The following QRICH1 variants were observed in gnomAD, a reference collection of about 807,000 sequenced individuals.
QRICH1 encodes the protein glutamine rich 1.
A neutral mutation model predicts 87.1 loss-of-function variants in QRICH1; 16 were observed. The ratio of observed to expected loss-of-function variants is 0.18; its 90% CI spans 0.12 to 0.28. QRICH1 has a LOEUF of 0.28. QRICH1 is among the 10% of genes least tolerant of loss of function. The pLI is 1.00. For missense variants in QRICH1, 647 were observed against 951.7 expected (o/e 0.68, Z 4.21); for synonymous variants, 367 against 368.4 (o/e 1.00, Z 0.05).
intron 8 of QRICH1, 39 bp from the exon 9 acceptor site, chr3:49,032,312 C>G: frequency 6.6e-7 from 1 of 1,512,524 alleles, no homozygotes; most frequent in Non-Finnish European, 9.2e-7. Context: ...GACCTGGCAT[C>G]AGACTGCCTT....
At chr3:49,046,605 T>A (rs1285164860) in intron 4 of QRICH1, 26 bp from the exon 5 acceptor site, 27 of 1,610,538 alleles carry the variant, frequency 1.7e-5, no homozygotes, top group Non-Finnish European at 2.2e-5. Flanking sequence ...CAAAAATGAA[T>A]GAAGGTCCTG....
Position 49,056,906 on chromosome 3 carries a change from G to C in QRICH1, c.1294C>G (p.Pro432Ala), listed in dbSNP as rs141608827. 2 of 1,613,956 alleles carry C rather than the reference G, an allele frequency of 1.2e-6. No homozygotes were observed. The highest frequency in any genetic ancestry group is 1.7e-6 in the Non-Finnish European group (2 of 1,179,966). ...TGCTGCTGCTGCTGCTGTGGTGGTG[G>C]TGTCTGTTCCTGGGGAGTTTGCTGC... ...PQQQTPQEQT[P>A]PPQQQQQQLQ... Residue 432 changes from proline (P) to alanine (A), a missense_variant, in exon 3 of 10, where the codon CCA (proline) becomes GCA (alanine). Physicochemically the swap from Pro to Ala is conservative, Grantham distance 27. Around this residue, in one of 7 missense-constraint regions of QRICH1, gnomAD observed 115 missense variants for 126.8 expected, o/e 0.91. Transcript: ENST00000395443.
chr3:49,073,033 G>A (rs2041874101), intron 2 of QRICH1, among the ~76,000 whole-genome samples: 1 of 150,858 alleles, frequency 6.6e-6, no homozygotes, highest in African/African-American at 2.4e-5. Flanking sequence ...GTGAAATCCT[G>A]TCTCTTAAAA....
intron 1 of QRICH1, among the ~76,000 whole-genome samples, chr3:49,082,683 C>A (rs1482095782): frequency 6.6e-6 from 1 of 151,136 alleles, no homozygotes; most frequent in African/African-American, 2.4e-5. Flanking sequence ...ATCACGAGGT[C>A]GGGAGATCGA....
At chr3:49,087,984 CTCTG>C (rs1013958844) in intron 1 of QRICH1, among the ~76,000 whole-genome samples, 4 of 149,380 alleles carry the variant, frequency 2.7e-5, no homozygotes, top group South Asian at 4.2e-4. Context: ...CAGAGTCTCA[CTCTG>C]TCACCCAGGC....
At chr3:49,034,583 A>T (rs1258964778) in intron 6 of QRICH1, among the ~76,000 whole-genome samples, 2 of 152,304 alleles carry the variant, frequency 1.3e-5, no homozygotes, top group Middle Eastern at 3.4e-3. Context: ...AGCAGTTAGA[A>T]ATACAGGCGT....
intron 2 of QRICH1, among the ~76,000 whole-genome samples, chr3:49,061,855 A>T (rs1294937995): frequency 6.6e-6 from 1 of 152,204 alleles, no homozygotes; most frequent in Non-Finnish European, 1.5e-5. Flanking sequence ...ATCTCCCAAA[A>T]AAAAGAATAT....
chr3:49,072,091 G>A (rs1012363149), intron 2 of QRICH1, among the ~76,000 whole-genome samples: 4 of 152,116 alleles, frequency 2.6e-5, no homozygotes, highest in African/African-American at 9.7e-5. Context: ...AGCACTTTGG[G>A]AGGCCGAGGT....
At chr3:49,064,568 A>T (rs6446247) in intron 2 of QRICH1, among the ~76,000 whole-genome samples, 124,420 of 152,000 alleles carry the variant, frequency 0.82, 51,283 homozygotes, top group East Asian at 1. Context: ...CTAGGAATTT[A>T]AAAAATTGTA....
intron 1 of QRICH1, chr3:49,083,280 G>C (rs1346845385): frequency 6.6e-6 from 1 of 150,664 alleles, no homozygotes; most frequent in Non-Finnish European, 1.5e-5. Context: ...TCAAGAGACT[G>C]AAACAGGAGG....
At position 49,057,285 on chromosome 3, in the gene QRICH1, T is replaced by A. The variant is rs2093408119; in HGVS notation, c.915A>T (p.Thr305=). 1.2e-6 allele frequency: 2 copies of A among 1,614,220 alleles called. No homozygotes were observed. The highest frequency in any genetic ancestry group is 1.7e-6 in the Non-Finnish European group (2 of 1,180,042). The part of the protein sequence containing the change: ...YSATGTITSP[T]GETWTIPVYS... ...AAACAGGGATGGTCCAGGTTTCTCC[T>A]GTAGGGCTAGTAATGGTCCCAGTGG... Residue 305 remains threonine, a synonymous_variant, in exon 3 of 10, where the codon ACA becomes ACT. Transcript: ENST00000395443. The surrounding 1 kb of genome is among the most constrained non-coding windows in gnomAD (Gnocchi z 5.4).
chr3:49,031,574 A>T (rs529847701), intron 9 of QRICH1, among the ~76,000 whole-genome samples: 5 of 152,324 alleles, frequency 3.3e-5, no homozygotes, highest in African/African-American at 1.2e-4. Flanking sequence ...AATACAAAAT[A>T]AAAAACAGTG....
Position 49,036,110 on chromosome 3 carries a change from A to C in QRICH1, c.1787-2882T>G, listed in dbSNP as rs557467768. On this transcript the variant is annotated intron_variant, in intron 6 of 9. Transcript: ENST00000395443. ...CAAAATAAAAAAATAAATCAAAATA[A>C]AATAAAACAGACTCTATTGACTGAG... Among the ~76,000 whole-genome samples the C allele has an allele frequency of 4.1e-4, 63 of 152,166 alleles. 1 individual carries two copies. The highest frequency in any genetic ancestry group is 6.8e-3 in the Middle Eastern group (2 of 294).
Position 49,038,397 on chromosome 3 carries a change from C to T in QRICH1, c.1787-5169G>A, listed in dbSNP as rs372981877. Among the ~76,000 whole-genome samples, 4 of 151,732 alleles carry T rather than the reference C, an allele frequency of 2.6e-5. No individual in the cohort carries two copies. In the South Asian group the frequency reaches 6.3e-4, roughly 24 times the overall value. On this transcript the variant is annotated intron_variant, in intron 6 of 9. Coordinates refer to ENST00000395443, the MANE Select transcript of QRICH1 (RefSeq NM_198880.3). ...AGATTTTAATTACATTATGGATTTA[C>T]CTTTTTTGTTGATTTAATTATTATT...
rs2093249132 is a variant in QRICH1, at chr3:49,032,694, A to C, written c.1975T>G (p.Ser659Ala). The change falls in exon 8 of 10, where the codon TCT (serine) becomes GCT (alanine). Residue 659 changes from serine (S) to alanine (A), a missense_variant. Physicochemically the swap from Ser to Ala is moderately conservative, Grantham distance 99. Coordinates refer to ENST00000395443, the MANE Select transcript of QRICH1 (RefSeq NM_198880.3). ...CTCGTGCTTTTATCCTTGGGATTAG[A>C]GGGGTTCTTCTTTGTCTGTCGCAAG... ...KVLRQTKKNP[S>A]NPKDKSTSIR... 1 of 1,613,048 alleles carries C rather than the reference A, an allele frequency of 6.2e-7. No individual in the cohort carries two copies. Among genetic ancestry groups the C allele is most frequent in the Admixed American group, 1.7e-5 (1 of 59,724 alleles).
rs150195015 is a variant in QRICH1 at position 49,048,894 on chromosome 3, C to A, written c.1339-1648G>T. 2.8e-3 allele frequency among the ~76,000 whole-genome samples: 422 copies of A among 151,596 alleles called. 3 individuals carry two copies. The highest frequency in any genetic ancestry group is 9.5e-3 in the African/African-American group (392 of 41,390). ...CATTGTCAGTATTTTTAAAAGCTTC[C>A]CATGTGATTTTTTTTTTTTCCCTCT... On this transcript the variant is annotated intron_variant, in intron 3 of 9. Coordinates refer to ENST00000395443, the MANE Select transcript of QRICH1 (RefSeq NM_198880.3).
chr3:49,065,008 T>G (rs1337829937), intron 2 of QRICH1, among the ~76,000 whole-genome samples: 1 of 151,926 alleles, frequency 6.6e-6, no homozygotes, highest in Non-Finnish European at 1.5e-5. Flanking sequence ...AGAGCAAGAG[T>G]TGTTCTAGAA....
rs567157706 is a variant in QRICH1, at chr3:49,074,758, C to G, written c.309+1951G>C. On this transcript the variant is annotated intron_variant, in intron 2 of 9. Transcript: ENST00000395443. ...CTTTGGGAGGCCGAGGCAGGTGGAT[C>G]ACGAGGTCAGGAGATCGAGACCATC... is the stretch of plus-strand genomic sequence containing the variant. 2.0e-5 allele frequency among the ~76,000 whole-genome samples: 3 copies of G among 150,490 alleles called. No individual in the cohort carries two copies. The East Asian group carries it at 6.0e-4, about 30-fold the overall frequency.
At chr3:49,033,483 G>A (rs901857807) in intron 6 of QRICH1, 1 of 322,490 alleles carries the variant, frequency 3.1e-6, no homozygotes. Flanking sequence ...CATGATTGTT[G>A]TTACCCTCTA....
Sources: allele counts gnomAD v4.1 joint callset (sites outside exome capture counted in the v4.1 genomes callset), GRCh38; gene constraint gnomAD v4.1.1; regional missense constraint gnomAD v4.1.1; non-coding constraint Gnocchi (gnomAD v3.1); transcripts MANE v1.5; gene names NCBI Gene and HGNC (gene_info 2026-07-23, HGNC 2026-07-21).